The following DAPK1 variants were observed in gnomAD, a reference collection of about 807,000 sequenced individuals.
The protein encoded by DAPK1 is death associated protein kinase 1.
A neutral mutation model predicts 144.9 loss-of-function variants in DAPK1; 56 were observed. That is an observed-to-expected ratio of 0.39 (90% CI 0.31 to 0.48). The LOEUF (loss-of-function observed/expected upper bound fraction) is 0.48. Among genes scored for constraint, DAPK1 ranks in the 20% least tolerant of loss-of-function variants. DAPK1 has a pLI of 0.95. For synonymous variants in DAPK1, 690 were observed against 749.0 expected (o/e 0.92, Z 1.29); for missense variants, 1,454 against 1,875.4 (o/e 0.78, Z 4.15).
chr9:87,622,170 T>C (rs1829318078), intron 3 of DAPK1, among the ~76,000 whole-genome samples: 1 of 151,888 alleles, frequency 6.6e-6, no homozygotes. Flanking sequence ...TTATGGTACC[T>C]CCCCCATCCA....
At chr9:87,612,490 C>T (rs1295742624) in intron 3 of DAPK1, among the ~76,000 whole-genome samples, 6 of 152,146 alleles carry the variant, frequency 3.9e-5, no homozygotes, top group East Asian at 1.9e-4. Flanking sequence ...TCCCTACCAA[C>T]GTACTGAGTT....
chr9:87,605,285 G>A (rs1295724616), intron 3 of DAPK1, 110 bp downstream of exon 3: 22 of 877,938 alleles, frequency 2.5e-5, no homozygotes, highest in South Asian at 2.0e-4. Context: ...TCAGGAATTG[G>A]TTCTGCTGTA....
chr9:87,691,276 G>C (rs559614965), intron 21 of DAPK1, among the ~76,000 whole-genome samples: 1 of 151,972 alleles, frequency 6.6e-6, no homozygotes, highest in Admixed American at 6.5e-5. Flanking sequence ...TCCAGTTAGC[G>C]TATAGTTGTT....
chr9:87,600,655 A>G (rs1828484547), intron 2 of DAPK1, among the ~76,000 whole-genome samples: 1 of 152,248 alleles, frequency 6.6e-6, no homozygotes, highest in African/African-American at 2.4e-5. Context: ...ATTAATAATA[A>G]GGATCACTTG....
In DAPK1 at chr9:87,708,152, C is replaced by T; in HGVS notation, c.*788C>T. The T allele has an allele frequency of 7.8e-6, 2 of 256,350 alleles. No individual in the cohort carries two copies. The highest frequency in any genetic ancestry group is 4.6e-5 in the South Asian group (1 of 21,874). The allele number at this position is 256,350 out of a possible 1,614,324, so 15.9% of individuals were successfully genotyped here. A position where few individuals can be genotyped will look rare whatever the true frequency, so the allele number is the denominator to read the frequency against. ...GACATTTTTCCGTTTGCTTTTGTTC[C>T]AATGTCAATGTGAACGTCCACATGA... On this transcript the variant is annotated 3_prime_UTR_variant, in exon 26 of 26. Transcript: ENST00000408954.
intron 16 of DAPK1, chr9:87,650,482 TTTAC>T (rs1235040718): frequency 4.0e-6 from 1 of 248,020 alleles, no homozygotes; most frequent in Non-Finnish European, 7.9e-6. Context: ...AAATAGATGT[TTTAC>T]TTATTTCTAT....
At position 87,497,955 on chromosome 9, in the gene DAPK1, A is replaced by AGGGTCTGGGGCCGGCGCCT. The variant is rs1440350538; in HGVS notation, c.-257_-239dup. ...AGGGGACTCGGCAACTCGCAGCGGC[A>AGGGTCTGGGGCCGGCGCCT]GGGTCTGGGGCCGGCGCCTGGGAGG... On this transcript the variant is annotated 5_prime_UTR_variant, in exon 1 of 26. Transcript: ENST00000408954. The AGGGTCTGGGGCCGGCGCCT allele has an allele frequency of 6.3e-5, 25 of 396,684 alleles. No individual in the cohort carries two copies. The highest frequency in any genetic ancestry group is 1.4e-4 in the South Asian group (1 of 7,092). 24.6% of individuals were successfully genotyped at this position (396,684 alleles called of 1,614,324 possible).
intron 22 of DAPK1, among the ~76,000 whole-genome samples, chr9:87,698,231 G>T (rs147522942): frequency 6.6e-6 from 1 of 151,958 alleles, no homozygotes; most frequent in African/African-American, 2.4e-5. Context: ...AACACTCCCC[G>T]AAGTGGGAGG....
Position 87,707,333 on chromosome 9 carries a change from A to G in DAPK1, c.4262A>G (p.Tyr1421Cys). 1 of 1,611,374 alleles carries G rather than the reference A, an allele frequency of 6.2e-7. No homozygotes were observed. The highest frequency in any genetic ancestry group is 8.5e-7 in the Non-Finnish European group (1 of 1,178,416). The change falls in exon 26 of 26, where the codon TAC becomes TGC. Residue 1421 changes from tyrosine (Y) to cysteine (C), a missense_variant. By Grantham distance (194) the Tyr-to-Cys change is radical. This residue lies in a region of DAPK1 where 1,025 missense variants were observed against 1,237.9 expected (regional missense o/e 0.83). Transcript: ENST00000408954. The surrounding 1 kb of genome is among the most constrained non-coding windows in gnomAD (Gnocchi z 4.0). ...YASSCNSGTS[Y>C]NSISSVVSR ...TCGAGCTGCAACAGCGGCACCTCTT[A>G]CAATTCCATTAGCTCTGTTGTATCC...
chr9:87,664,727 A>G lies in DAPK1; in HGVS notation c.1924-3870A>G, dbSNP rs555361323. Among the ~76,000 whole-genome samples, 3 of 152,304 alleles carry G rather than the reference A, an allele frequency of 2.0e-5. No individual in the cohort carries two copies. The East Asian group carries it at 5.8e-4, about 29-fold the overall frequency. ...CTTACCTGTCCACAGCCTGGTCCCC[A>G]CGCAGCCGCCTGGTCAGACGTAAGT... On this transcript the variant is annotated intron_variant, in intron 18 of 25. Coordinates refer to ENST00000408954, the MANE Select transcript of DAPK1 (RefSeq NM_004938.4).
At chr9:87,677,070 A>C (rs1458706666) in intron 19 of DAPK1, among the ~76,000 whole-genome samples, 1 of 152,206 alleles carries the variant, frequency 6.6e-6, no homozygotes, top group Non-Finnish European at 1.5e-5. Context: ...ATGTGAGTGA[A>C]GGCATAGCAT....
At chr9:87,578,531 A>T (rs1827640143) in intron 2 of DAPK1, among the ~76,000 whole-genome samples, 1 of 152,242 alleles carries the variant, frequency 6.6e-6, no homozygotes, top group South Asian at 2.1e-4. Context: ...AGTTATAAAC[A>T]TTTTAAAGGT....
chr9:87,687,368 G>T (rs1824901907), intron 21 of DAPK1, among the ~76,000 whole-genome samples: 1 of 152,064 alleles, frequency 6.6e-6, no homozygotes, highest in African/African-American at 2.4e-5. Flanking sequence ...GCTCCCACAT[G>T]TGAATGAGAA....
chr9:87,702,971 C>A, intron 24 of DAPK1, 58 bp from the exon 25 acceptor site: 1 of 796,462 alleles, frequency 1.3e-6, no homozygotes, highest in South Asian at 1.5e-5. Context: ...CACTGTGGCT[C>A]TGCTCAGGGC....
chr9:87,674,038 A>C (rs957648764), intron 19 of DAPK1, among the ~76,000 whole-genome samples: 2 of 152,066 alleles, frequency 1.3e-5, no homozygotes, highest in African/African-American at 4.8e-5. Flanking sequence ...GACCCCTTCT[A>C]TGGGAAAGGG....
chr9:87,541,780 A>G (rs1187136924), intron 2 of DAPK1, among the ~76,000 whole-genome samples: 1 of 152,190 alleles, frequency 6.6e-6, no homozygotes, highest in Non-Finnish European at 1.5e-5. Context: ...TTATATAGCA[A>G]CAGATATTAT....
rs558381838 is a variant in DAPK1 at position 87,701,502 on chromosome 9, G to A, written c.2871+1265G>A. Among the ~76,000 whole-genome samples, 9 of 152,198 alleles carry A rather than the reference G, an allele frequency of 5.9e-5. No individual in the cohort carries two copies. The South Asian group carries it at 1.9e-3, about 32-fold the overall frequency. Reference sequence around the variant, plus strand: ...CAAATTAAGTAAACAAAGTTGAAAGGTGAAATAGGCTGGGAAAAAGCATTC... The same window carrying A: ...CAAATTAAGTAAACAAAGTTGAAAGATGAAATAGGCTGGGAAAAAGCATTC... On this transcript the variant is annotated intron_variant, in intron 24 of 25. Coordinates refer to ENST00000408954, the MANE Select transcript of DAPK1 (RefSeq NM_004938.4).
chr9:87,674,716 T>A (rs757001796), intron 19 of DAPK1, among the ~76,000 whole-genome samples: 13 of 152,184 alleles, frequency 8.5e-5, no homozygotes, highest in Non-Finnish European at 1.3e-4. Context: ...CCCTGCCACA[T>A]GGGCAAGGCC....
intron 3 of DAPK1, among the ~76,000 whole-genome samples, chr9:87,624,946 G>A (rs993025604): frequency 6.6e-6 from 1 of 152,218 alleles, no homozygotes; most frequent in African/African-American, 2.4e-5. Context: ...AGCGTGGTTG[G>A]CGTTCTGTGA....
Sources: allele counts gnomAD v4.1 joint callset (sites outside exome capture counted in the v4.1 genomes callset), GRCh38; gene constraint gnomAD v4.1.1; regional missense constraint gnomAD v4.1.1; non-coding constraint Gnocchi (gnomAD v3.1); transcripts MANE v1.5; gene names NCBI Gene and HGNC (gene_info 2026-07-23, HGNC 2026-07-21).